The following SEMA6D variants were observed in gnomAD, a reference collection of about 807,000 sequenced individuals.
SEMA6D encodes semaphorin-6D.
In SEMA6D, 35 loss-of-function variants were observed where a neutral mutation model predicts 106.6. The ratio of observed to expected loss-of-function variants is 0.33; its 90% CI spans 0.25 to 0.44. The LOEUF (loss-of-function observed/expected upper bound fraction) is 0.44. Among genes scored for constraint, SEMA6D ranks in the 20% least tolerant of loss-of-function variants. The pLI is 1.00. For missense variants in SEMA6D, 1,185 were observed against 1,345.9 expected (o/e 0.88, Z 1.87); for synonymous variants, 499 against 487.7 (o/e 1.02, Z -0.31).
intron 1 of SEMA6D, among the ~76,000 whole-genome samples, chr15:47,399,185 T>C (rs1567052524): frequency 6.6e-6 from 1 of 151,948 alleles, no homozygotes; most frequent in East Asian, 1.9e-4. Flanking sequence ...ATTTTGGAGA[T>C]AAAAAACAAC....
chr15:47,479,659 G>T (rs1479821957), intron 3 of SEMA6D, among the ~76,000 whole-genome samples: 1 of 151,936 alleles, frequency 6.6e-6, no homozygotes, highest in Admixed American at 6.6e-5. Context: ...GACTTAATTG[G>T]AATATCTTTT....
intron 4 of SEMA6D, among the ~76,000 whole-genome samples, chr15:47,668,916 C>T (rs1427052243): frequency 4.6e-5 from 7 of 152,224 alleles, no homozygotes; most frequent in South Asian, 2.1e-4. Context: ...GCAATTCTGA[C>T]GTTAAGGTAC....
chr15:47,761,074 C>T (rs1212758895), intron 4 of SEMA6D, 36 bp downstream of exon 4: 14 of 1,610,860 alleles, frequency 8.7e-6, no homozygotes, highest in Admixed American at 1.7e-5. Context: ...ATTTACCTTC[C>T]CTCTGAACCT....
chr15:47,520,430 A>C (rs2044537344), intron 3 of SEMA6D, among the ~76,000 whole-genome samples: 1 of 152,162 alleles, frequency 6.6e-6, no homozygotes, highest in South Asian at 2.1e-4. Flanking sequence ...ATTTCTCAAC[A>C]TGAGAGAACA....
intron 1 of SEMA6D, among the ~76,000 whole-genome samples, chr15:47,254,463 A>G (rs1394983890): frequency 1.3e-5 from 2 of 151,602 alleles, no homozygotes; most frequent in Non-Finnish European, 2.9e-5. Context: ...TTCCAGTACT[A>G]TGTTGAATGA....
At chr15:47,528,674 G>A (rs1026300630) in intron 3 of SEMA6D, among the ~76,000 whole-genome samples, 1 of 152,200 alleles carries the variant, frequency 6.6e-6, no homozygotes, top group African/African-American at 2.4e-5. Flanking sequence ...TTGCTACAGG[G>A]AAGTTTGACA....
At chr15:47,734,400 T>C (rs965862217) in intron 1 of SEMA6D, among the ~76,000 whole-genome samples, 1 of 152,244 alleles carries the variant, frequency 6.6e-6, no homozygotes, top group Non-Finnish European at 1.5e-5. Context: ...GGTCCCATGC[T>C]TGGAATGTTC....
At chr15:47,462,966 G>A (rs2042558189) in intron 2 of SEMA6D, among the ~76,000 whole-genome samples, 2 of 151,996 alleles carry the variant, frequency 1.3e-5, no homozygotes, top group Non-Finnish European at 2.9e-5. Context: ...TGGACAGAGA[G>A]AAAATGCCTG....
chr15:47,512,640 TC>T (rs999016013), intron 3 of SEMA6D, among the ~76,000 whole-genome samples: 2 of 152,142 alleles, frequency 1.3e-5, no homozygotes, highest in African/African-American at 4.8e-5. Context: ...AGGCCTAGAA[TC>T]CTGGACAGGT....
At chr15:47,647,009 C>G (rs1026296536) in intron 4 of SEMA6D, among the ~76,000 whole-genome samples, 1 of 152,148 alleles carries the variant, frequency 6.6e-6, no homozygotes, top group Non-Finnish European at 1.5e-5. Context: ...TGCTAAATCC[C>G]TAGGTGATCG....
chr15:47,724,232 T>C (rs1381110532), intron 1 of SEMA6D, among the ~76,000 whole-genome samples: 1 of 152,272 alleles, frequency 6.6e-6, no homozygotes, highest in Non-Finnish European at 1.5e-5. Context: ...AATGTTGCAG[T>C]TGTTCTTGCC....
chr15:47,612,513 T>C (rs2076927704), intron 4 of SEMA6D, among the ~76,000 whole-genome samples: 1 of 152,246 alleles, frequency 6.6e-6, no homozygotes, highest in Non-Finnish European at 1.5e-5. Context: ...GCTAAGGTTG[T>C]AGATACCTCA....
chr15:47,321,550 A>G (rs1283443356), intron 1 of SEMA6D, among the ~76,000 whole-genome samples: 1 of 152,184 alleles, frequency 6.6e-6, no homozygotes, highest in African/African-American at 2.4e-5. Context: ...CATTTTAATT[A>G]GAAGAATATG....
chr15:47,450,859 A>G (rs1362608218), intron 2 of SEMA6D, among the ~76,000 whole-genome samples: 4 of 152,060 alleles, frequency 2.6e-5, no homozygotes, highest in East Asian at 1.9e-4. Flanking sequence ...GGGGAACCCT[A>G]CAATATCCTG....
intron 1 of SEMA6D, among the ~76,000 whole-genome samples, chr15:47,202,648 G>A (rs942301302): frequency 3.3e-5 from 5 of 152,150 alleles, no homozygotes; most frequent in African/African-American, 9.7e-5. Context: ...AGTCACCTTC[G>A]TGGCCCTCTT....
intron 1 of SEMA6D, among the ~76,000 whole-genome samples, chr15:47,222,113 CT>C (rs1015641683): frequency 1.3e-5 from 2 of 152,156 alleles, no homozygotes; most frequent in Non-Finnish European, 2.9e-5. Context: ...AAGGCCATGA[CT>C]GATAAAACAC....
chr15:47,572,457 G>T (rs1289554701), intron 3 of SEMA6D, among the ~76,000 whole-genome samples: 1 of 152,072 alleles, frequency 6.6e-6, no homozygotes, highest in Admixed American at 6.5e-5. Flanking sequence ...ATTTTAGATG[G>T]CAGCTTCTGT....
chr15:47,484,680 C>T (rs2043247365), intron 3 of SEMA6D, among the ~76,000 whole-genome samples: 1 of 152,144 alleles, frequency 6.6e-6, no homozygotes, highest in African/African-American at 2.4e-5. Context: ...AATGGAATCC[C>T]ATCAGATTTA....
rs115779563 is a variant in SEMA6D at position 47,496,161 on chromosome 15, A to G, written c.-87+25616A>G. On this transcript the variant is annotated intron_variant, in intron 3 of 19. Transcript: ENST00000558014. ...TAATGGAACACTGGAGCTAATTTATATACTTTCAGATCCAATATTTTCTCT... is the reference window on the plus strand; with the variant it reads ...TAATGGAACACTGGAGCTAATTTATGTACTTTCAGATCCAATATTTTCTCT... Among the ~76,000 whole-genome samples, 945 of 152,174 alleles carry G rather than the reference A, an allele frequency of 6.2e-3. 9 individuals are homozygous for G. Among genetic ancestry groups the G allele is most frequent in the African/African-American group, 0.022 (906 of 41,544 alleles).
Sources: gnomAD v4.1 joint callset for allele counts (sites outside exome capture counted in the v4.1 genomes callset) on GRCh38, gnomAD v4.1.1 for gene constraint, MANE v1.5 for transcripts, NCBI Gene and HGNC (gene_info 2026-07-23, HGNC 2026-07-21) for gene names.